Variants in PRICKLE1 observed in about 807,000 individuals in gnomAD.
PRICKLE1 encodes prickle planar cell polarity protein 1, also known as prickle-like protein 1.
In PRICKLE1, 14 loss-of-function variants were observed where a neutral mutation model predicts 70.2. That is an observed-to-expected ratio of 0.20 (90% CI 0.13 to 0.31). PRICKLE1 has a LOEUF of 0.31. PRICKLE1 is among the 10% of genes least tolerant of loss of function. PRICKLE1 has a pLI of 1.00. For missense variants in PRICKLE1, 821 were observed against 1,026.2 expected, an observed-to-expected ratio of 0.80 and a Z score of 2.73; for synonymous variants, 357 against 379.9, an observed-to-expected ratio of 0.94 and a Z score of 0.70.
intron 1 of PRICKLE1, among the ~76,000 whole-genome samples, chr12:42,564,793 A>T (rs1262729042): frequency 1.3e-5 from 2 of 152,236 alleles, no homozygotes; most frequent in Non-Finnish European, 2.9e-5. Context: ...AAGTCCTAGT[A>T]GAATGTAAAC....
chr12:42,533,160 G>C (rs58204089), intron 1 of PRICKLE1, among the ~76,000 whole-genome samples: 10,894 of 150,518 alleles, frequency 0.072, 427 homozygotes, highest in East Asian at 0.12. Context: ...AACCTAGAAG[G>C]GTATATACCA....
Position 42,456,828 on chromosome 12 carries a change from T to C in PRICKLE1, c.*2981A>G, listed in dbSNP as rs565518805. 6.6e-6 allele frequency: 1 copy of C among 152,336 alleles called. No individual in the cohort carries two copies. The highest frequency in any genetic ancestry group is 1.9e-4 in the East Asian group (1 of 5,186). The allele number at this position is 152,336 out of a possible 1,614,324, so 9.4% of individuals were successfully genotyped here. On this transcript the variant is annotated 3_prime_UTR_variant, in exon 8 of 8. Transcript: ENST00000345127. ...TAAGGCAGTTGCTTCTTTCTTCCGT[T>C]GTAGATAGTCTTCTGTTATTGCTAC...
In PRICKLE1 at chr12:42,464,322, G is replaced by A; in HGVS notation, c.1639+73C>T. The A allele has an allele frequency of 6.3e-7, 1 of 1,594,302 alleles. No individual in the cohort carries two copies. Among genetic ancestry groups the A allele is most frequent in the South Asian group, 1.1e-5 (1 of 90,050 alleles). On this transcript the variant is annotated intron_variant, in intron 7 of 7. Transcript: ENST00000345127. The surrounding 1 kb of genome is among the most constrained non-coding windows in gnomAD (Gnocchi z 4.2). ...AGGCATGAGCCACTGCGCCTGGCTTGAATTGCAATTTTTTGAATACACTTT... is the reference window on the plus strand; with the variant it reads ...AGGCATGAGCCACTGCGCCTGGCTTAAATTGCAATTTTTTGAATACACTTT...
At chr12:42,469,396 C>T in intron 4 of PRICKLE1, 54 bp downstream of exon 4, 1 of 1,610,080 alleles carries the variant, frequency 6.2e-7, no homozygotes, top group Non-Finnish European at 8.5e-7. Flanking sequence ...CCCCGACTGT[C>T]CACCCCATCC....
Position 42,458,359 on chromosome 12 carries a change from GTTAT to G in PRICKLE1, c.*1446_*1449del, listed in dbSNP as rs2140078851. 1 of 152,304 alleles carries G rather than the reference GTTAT, an allele frequency of 6.6e-6. No homozygotes were observed. Among genetic ancestry groups the G allele is most frequent in the South Asian group, 2.1e-4 (1 of 4,826 alleles). The allele number at this position is 152,304 out of a possible 1,614,324, so 9.4% of individuals were successfully genotyped here. A position where few individuals can be genotyped will look rare whatever the true frequency, so the allele number is the denominator to read the frequency against. ...GATTTATATTCAGAAAGGTAGTTTT[GTTAT>G]TTATTAAGTGTTTATTAAATGCCTC... On this transcript the variant is annotated 3_prime_UTR_variant, in exon 8 of 8. Transcript: ENST00000345127.
chr12:42,465,545 G>A (rs1938063710), intron 6 of PRICKLE1: 3 of 410,290 alleles, frequency 7.3e-6, no homozygotes, highest in Non-Finnish European at 1.3e-5. Context: ...TGATCCAGGA[G>A]ATGCTCAGCT....
chr12:42,494,545 G>A lies in PRICKLE1; in HGVS notation c.-48-21981C>T, dbSNP rs375392543. 1.2e-4 allele frequency among the ~76,000 whole-genome samples: 19 copies of A among 152,178 alleles called. No individual in the cohort carries two copies. The East Asian group carries it at 3.3e-3, about 26-fold the overall frequency. On this transcript the variant is annotated intron_variant, in intron 1 of 7. Coordinates refer to ENST00000345127, the MANE Select transcript of PRICKLE1 (RefSeq NM_153026.3). Reference sequence around the variant, plus strand: ...CCTCAGGCCAGGTGTGGTGACTCACGCCTGTAATCTCAGCACTTTGGGAGG... The same window carrying A: ...CCTCAGGCCAGGTGTGGTGACTCACACCTGTAATCTCAGCACTTTGGGAGG...
At position 42,457,262 on chromosome 12, in the gene PRICKLE1, T is replaced by G. The variant is rs979105295; in HGVS notation, c.*2547A>C. On this transcript the variant is annotated 3_prime_UTR_variant, in exon 8 of 8. Coordinates refer to ENST00000345127, the MANE Select transcript of PRICKLE1 (RefSeq NM_153026.3). ...TCCTTAAGCCTTTGGCAGGCTATGT[T>G]ACCCCTATCTTTTGAGAATGTACTT... is the stretch of plus-strand genomic sequence containing the variant. The G allele has an allele frequency of 6.6e-6, 1 of 152,174 alleles. No individual in the cohort carries two copies. The highest frequency in any genetic ancestry group is 6.5e-5 in the Admixed American group (1 of 15,272). 9.4% of individuals were successfully genotyped at this position (152,174 alleles called of 1,614,324 possible). A position where few individuals can be genotyped will look rare whatever the true frequency, so the allele number is the denominator to read the frequency against.
chr12:42,570,844 C>A (rs1230839327), intron 1 of PRICKLE1, among the ~76,000 whole-genome samples: 1 of 151,962 alleles, frequency 6.6e-6, no homozygotes, highest in Non-Finnish European at 1.5e-5. Flanking sequence ...CATAAAAATT[C>A]TGTATTCAGT....
At chr12:42,543,907 G>A (rs552174078) in intron 1 of PRICKLE1, among the ~76,000 whole-genome samples, 1 of 152,086 alleles carries the variant, frequency 6.6e-6, no homozygotes, top group Non-Finnish European at 1.5e-5. Context: ...TTTTGTATAA[G>A]TATTATATAC....
intron 1 of PRICKLE1, among the ~76,000 whole-genome samples, chr12:42,581,527 T>G (rs1049653281): frequency 1.3e-5 from 2 of 151,958 alleles, no homozygotes; most frequent in African/African-American, 4.8e-5. Context: ...GGTGGATCAC[T>G]TGAGGTCAGG....
At chr12:42,504,362 C>T (rs1939367124) in intron 1 of PRICKLE1, among the ~76,000 whole-genome samples, 1 of 152,132 alleles carries the variant, frequency 6.6e-6, no homozygotes, top group Non-Finnish European at 1.5e-5. Context: ...AATACTCTGA[C>T]TGGGGAATCA....
intron 3 of PRICKLE1, 76 bp from the exon 4 acceptor site, chr12:42,469,663 G>T: frequency 6.3e-7 from 1 of 1,592,844 alleles, no homozygotes; most frequent in Non-Finnish European, 8.6e-7. Context: ...CCAGAGTTAG[G>T]GTTTCAGGAA....
At chr12:42,522,706 T>A (rs1425263220) in intron 1 of PRICKLE1, among the ~76,000 whole-genome samples, 1 of 152,124 alleles carries the variant, frequency 6.6e-6, no homozygotes. Flanking sequence ...ATCAAATAAG[T>A]TTTATTACTT....
At chr12:42,554,514 T>C (rs1453875878) in intron 1 of PRICKLE1, among the ~76,000 whole-genome samples, 1 of 152,248 alleles carries the variant, frequency 6.6e-6, no homozygotes, top group East Asian at 1.9e-4. Context: ...TAGACACTGA[T>C]GTCTTCCAAA....
intron 1 of PRICKLE1, among the ~76,000 whole-genome samples, chr12:42,521,152 G>C (rs776369269): frequency 5.9e-5 from 9 of 151,834 alleles, no homozygotes; most frequent in Non-Finnish European, 7.4e-5. Flanking sequence ...CTCCAGCCTG[G>C]GTGATAGCAC....
At chr12:42,485,763 C>G (rs1385329799) in intron 1 of PRICKLE1, among the ~76,000 whole-genome samples, 1 of 152,218 alleles carries the variant, frequency 6.6e-6, no homozygotes, top group Admixed American at 6.5e-5. Flanking sequence ...CAACTACAAA[C>G]TATAGCAGCA....
chr12:42,480,325 T>C (rs970244509), intron 1 of PRICKLE1, among the ~76,000 whole-genome samples: 22 of 152,176 alleles, frequency 1.4e-4, no homozygotes, highest in African/African-American at 5.1e-4. Flanking sequence ...GCTGGGCATA[T>C]GCCTATACTC....
intron 1 of PRICKLE1, among the ~76,000 whole-genome samples, chr12:42,541,884 G>A (rs1940123414): frequency 6.6e-6 from 1 of 152,172 alleles, no homozygotes; most frequent in African/African-American, 2.4e-5. Flanking sequence ...AGTCAAGAAG[G>A]GGATCCATGC....
Sources: gnomAD v4.1 joint callset for allele counts (sites outside exome capture counted in the v4.1 genomes callset) on GRCh38, gnomAD v4.1.1 for gene constraint, Gnocchi (gnomAD v3.1) non-coding constraint, MANE v1.5 for transcripts, NCBI Gene and HGNC (gene_info 2026-07-23, HGNC 2026-07-21) for gene names.